Variants in SLC5A4 observed in about 807,000 individuals in gnomAD.
SLC5A4 encodes the protein probable glucose sensor protein SLC5A4.
A neutral mutation model predicts 70.3 loss-of-function variants in SLC5A4; 55 were observed. The ratio of observed to expected loss-of-function variants is 0.78; its 90% CI spans 0.63 to 0.98. SLC5A4 has a LOEUF of 0.98. Ranked by LOEUF, SLC5A4 falls within the 50% of genes least tolerant of loss-of-function variation. The pLI, the probability that SLC5A4 is intolerant of heterozygous loss-of-function variation, is 0.00. For missense variants in SLC5A4, 735 were observed against 839.2 expected (o/e 0.88, Z 1.53); for synonymous variants, 268 against 305.7 (o/e 0.88, Z 1.29).
At chr22:32,230,711 A>G (rs894773589) in intron 10 of SLC5A4, among the ~76,000 whole-genome samples, 2 of 152,252 alleles carry the variant, frequency 1.3e-5, no homozygotes, top group African/African-American at 4.8e-5. Flanking sequence ...CAAATGGATC[A>G]TTTAATTTGT....
the SLC5A4 span, among the ~76,000 whole-genome samples, chr22:32,346,881 G>A: frequency 1.3e-5 from 2 of 150,122 alleles, no homozygotes; most frequent in East Asian, 1.9e-4. Context: ...AAGAGCTTCT[G>A]CACAGCAAAA....
At chr22:32,310,066 AGGGAGGACGGGGGATGGGGGGGGT>A in the SLC5A4 span, among the ~76,000 whole-genome samples, 1 of 10,798 alleles carries the variant, frequency 9.3e-5, no homozygotes, top group African/African-American at 3.6e-4. Flanking sequence ...GGGAGGGGGG[AGGGAGGACGGGGGATGGGGGGGGT>A]GGCAGAAGGA....
chr22:32,226,807 A>C (rs1925425478), intron 11 of SLC5A4, among the ~76,000 whole-genome samples: 1 of 152,134 alleles, frequency 6.6e-6, no homozygotes, highest in South Asian at 2.1e-4. Flanking sequence ...CCTCGCCTCC[A>C]GGCACCTTTC....
the SLC5A4 span, among the ~76,000 whole-genome samples, chr22:32,322,197 G>C: frequency 6.6e-6 from 1 of 152,170 alleles, no homozygotes; most frequent in African/African-American, 2.4e-5. Context: ...GAAAAGCTGA[G>C]AACATCACAC....
the SLC5A4 span, among the ~76,000 whole-genome samples, chr22:32,333,564 C>A: frequency 6.6e-6 from 1 of 152,102 alleles, no homozygotes; most frequent in African/African-American, 2.4e-5. Flanking sequence ...TGGCCCTGAT[C>A]ATCGGCTCCT....
chr22:32,246,956 A>C (rs1376900747), intron 5 of SLC5A4, among the ~76,000 whole-genome samples: 1 of 152,246 alleles, frequency 6.6e-6, no homozygotes, highest in Non-Finnish European at 1.5e-5. Flanking sequence ...GTATAATAAT[A>C]CAAAGTACTT....
At chr22:32,334,647 G>A in the SLC5A4 span, among the ~76,000 whole-genome samples, 6 of 152,102 alleles carry the variant, frequency 3.9e-5, no homozygotes, top group Admixed American at 1.3e-4. Context: ...CTCCCATCTC[G>A]ACAACCCTGC....
intron 5 of SLC5A4, among the ~76,000 whole-genome samples, chr22:32,245,810 C>T (rs903084083): frequency 2.0e-5 from 3 of 152,198 alleles, no homozygotes; most frequent in African/African-American, 4.8e-5. Context: ...TGAGCCACTG[C>T]GCCCGGCCTG....
At chr22:32,340,146 C>G in the SLC5A4 span, among the ~76,000 whole-genome samples, 2 of 135,552 alleles carry the variant, frequency 1.5e-5, no homozygotes, top group African/African-American at 5.7e-5. Context: ...TCCGAGCCTC[C>G]TCGGTGTCTC....
chr22:32,325,455 G>C, the SLC5A4 span, among the ~76,000 whole-genome samples: 24 of 152,336 alleles, frequency 1.6e-4, no homozygotes, highest in Admixed American at 2.6e-4. Flanking sequence ...TGGGCAGATG[G>C]AACAGCCTCA....
chr22:32,305,700 TGGCTTTTCAGGAGCACG>T, the SLC5A4 span, among the ~76,000 whole-genome samples: 2 of 129,800 alleles, frequency 1.5e-5, no homozygotes, highest in Admixed American at 1.9e-4. Context: ...TGAGGGACGG[TGGCTTTTCAGGAGCACG>T]GTGCTCATTA....
chr22:32,323,881 T>G, the SLC5A4 span, among the ~76,000 whole-genome samples: 6 of 152,128 alleles, frequency 3.9e-5, no homozygotes, highest in African/African-American at 1.4e-4. Flanking sequence ...TCCTCACTCC[T>G]TTTTGCTGCT....
chr22:32,342,446 A>T, the SLC5A4 span, among the ~76,000 whole-genome samples: 1 of 152,198 alleles, frequency 6.6e-6, no homozygotes, highest in South Asian at 2.1e-4. Flanking sequence ...AGAGAAAAAA[A>T]CCACTAGCAG....
chr22:32,337,366 C>T, the SLC5A4 span, among the ~76,000 whole-genome samples: 1 of 152,104 alleles, frequency 6.6e-6, no homozygotes, highest in Non-Finnish European at 1.5e-5. Flanking sequence ...AACTCTGTCT[C>T]TACTAAAAAT....
At chr22:32,306,598 C>T in the SLC5A4 span, among the ~76,000 whole-genome samples, 1 of 152,152 alleles carries the variant, frequency 6.6e-6, no homozygotes, top group Admixed American at 6.5e-5. Context: ...CTCAGAGAGA[C>T]CCCATGCCTG....
At chr22:32,302,651 A>T in the SLC5A4 span, among the ~76,000 whole-genome samples, 3 of 152,266 alleles carry the variant, frequency 2.0e-5, no homozygotes, top group African/African-American at 2.4e-5. Context: ...GGGTCTATTT[A>T]AGTTCTCTGT....
At chr22:32,259,963 A>C (rs1927677261), upstream of SLC5A4, among the ~76,000 whole-genome samples, 1 of 152,238 alleles carries the variant, frequency 6.6e-6, no homozygotes, top group African/African-American at 2.4e-5. Context: ...AGGGGAACAC[A>C]GGGCGATGCC....
the SLC5A4 span, among the ~76,000 whole-genome samples, chr22:32,301,872 C>G: frequency 5.9e-5 from 9 of 151,656 alleles, no homozygotes; most frequent in East Asian, 1.7e-3. Flanking sequence ...CATTTATGGT[C>G]AGTTGGTTTT....
the SLC5A4 span, chr22:32,269,949 G>A: frequency 1.9e-6 from 1 of 532,872 alleles, no homozygotes; most frequent in Non-Finnish European, 3.7e-6. This position sits in a 1 kb window ranked among gnomAD's most constrained non-coding sequence, Gnocchi z 4.1. Flanking sequence ...TGGAGCCTGG[G>A]TACCTGTTCC....
Sources: gnomAD v4.1 joint callset for allele counts (sites outside exome capture counted in the v4.1 genomes callset) on GRCh38, gnomAD v4.1.1 for gene constraint, Gnocchi (gnomAD v3.1) non-coding constraint, MANE v1.5 for transcripts, NCBI Gene and HGNC (gene_info 2026-07-23, HGNC 2026-07-21) for gene names.